REPS2: variants seen among roughly 807,000 people sequenced by gnomAD.
REPS2 encodes ralBP1-associated Eps domain-containing protein 2.
In REPS2, 23 loss-of-function variants were observed where a neutral mutation model predicts 53.6. The observed-to-expected ratio is 0.43, with a 90% CI of 0.31 to 0.61. The LOEUF is 0.61. Ranked by LOEUF, REPS2 falls within the 20% of genes least tolerant of loss-of-function variation. The probability of loss-of-function intolerance (pLI) is 0.11; values close to 1 mark genes in which losing one functional copy is unlikely to be tolerated. For missense variants in REPS2, 446 were observed against 534.9 expected (o/e 0.83, Z 1.64); for synonymous variants, 238 against 218.6 (o/e 1.09, Z -0.78).
chrX:16,975,818 C>A (rs1442616952), intron 1 of REPS2, among the ~76,000 whole-genome samples: 1 of 112,329 alleles, frequency 8.9e-6, no homozygotes, highest in Admixed American at 9.4e-5. Flanking sequence ...ACTGTTTCAA[C>A]ATTTCTTTCA....
chrX:17,050,266 T>G (rs1159699228), intron 6 of REPS2, among the ~76,000 whole-genome samples: 25 of 95,283 alleles, frequency 2.6e-4, no homozygotes, highest in African/African-American at 1.0e-3. Flanking sequence ...CTCGGCTCAC[T>G]GCAGCCTTGA....
intron 1 of REPS2, among the ~76,000 whole-genome samples, chrX:16,958,591 A>T (rs1328212136): frequency 8.9e-6 from 1 of 112,144 alleles, no homozygotes; most frequent in Non-Finnish European, 1.9e-5. Context: ...CTCCCTCTAC[A>T]GGAACAATAG....
intron 2 of REPS2, among the ~76,000 whole-genome samples, chrX:17,018,126 T>C (rs1241997034): frequency 1.8e-5 from 2 of 111,271 alleles, no homozygotes; most frequent in Admixed American, 1.9e-4. Flanking sequence ...TTCTAGAACC[T>C]TTTCACCTCA....
intron 5 of REPS2, among the ~76,000 whole-genome samples, chrX:17,031,709 G>T (rs904223310): frequency 9.0e-6 from 1 of 111,568 alleles, no homozygotes; most frequent in East Asian, 2.8e-4. Context: ...GGCTTCTGGT[G>T]GGGGAGCAAC....
the REPS2 span, among the ~76,000 whole-genome samples, chrX:17,183,382 T>C: frequency 1.8e-5 from 2 of 112,103 alleles, no homozygotes; most frequent in Admixed American, 1.9e-4. Flanking sequence ...ATAATTACTG[T>C]CAATTAAAAA....
chrX:17,010,255 G>T (rs1178594616), intron 2 of REPS2, among the ~76,000 whole-genome samples: 1 of 112,483 alleles, frequency 8.9e-6, no homozygotes, highest in African/African-American at 3.2e-5. Context: ...GCCCTACGGG[G>T]TAATACAAGT....
chrX:16,969,682 T>C (rs1180162093), intron 1 of REPS2, among the ~76,000 whole-genome samples: 1 of 107,172 alleles, frequency 9.3e-6, no homozygotes, highest in Non-Finnish European at 1.9e-5. Flanking sequence ...AGCAGTACAG[T>C]CCAGACTCCC....
chrX:17,107,988 T>C (rs894199983), intron 14 of REPS2, among the ~76,000 whole-genome samples: 1 of 111,324 alleles, frequency 9.0e-6, no homozygotes, highest in Non-Finnish European at 1.9e-5. Context: ...TGTTCAGGGC[T>C]TACTGCAGCC....
At chrX:17,123,543 A>G (rs937890925) in intron 14 of REPS2, among the ~76,000 whole-genome samples, 14 of 112,074 alleles carry the variant, frequency 1.2e-4, no homozygotes, top group Admixed American at 1.0e-3. Context: ...CATTATAGTC[A>G]CTGGTACCCA....
chrX:17,152,092 C>T lies in REPS2; in HGVS notation c.*4611C>T, dbSNP rs889686657. On this transcript the variant is annotated 3_prime_UTR_variant, in exon 18 of 18. Transcript: ENST00000357277. Reference sequence around the variant, plus strand: ...CGCTTGTTTGTAAGGAGAAATGCATCTGGTTATGTGAATTTCCCGAGAGCA... The same window carrying T: ...CGCTTGTTTGTAAGGAGAAATGCATTTGGTTATGTGAATTTCCCGAGAGCA... 1 of 111,343 alleles carries T rather than the reference C, an allele frequency of 9.0e-6. No individual in the cohort carries two copies. Among genetic ancestry groups the T allele is most frequent in the African/African-American group, 3.3e-5 (1 of 30,579 alleles). The allele number at this position is 111,343 out of a possible 1,213,427, so 9.2% of individuals were successfully genotyped here. A position where few individuals can be genotyped will look rare whatever the true frequency, so the allele number is the denominator to read the frequency against.
chrX:17,054,834 G>T lies in REPS2; in HGVS notation c.998G>T (p.Gly333Val). 8.3e-7 allele frequency: 1 copy of T among 1,210,968 alleles called. No individual in the cohort carries two copies. Among genetic ancestry groups the T allele is most frequent in the Non-Finnish European group, 1.1e-6 (1 of 895,115 alleles). Residue 333 changes from glycine to valine, a missense_variant, in exon 8 of 18, where the codon GGA becomes GTA. Coordinates refer to ENST00000357277, the MANE Select transcript of REPS2 (RefSeq NM_004726.3). ...IWELSDADCDGALTLPEFCAA... is the reference protein window; with the variant it reads ...IWELSDADCDVALTLPEFCAA... ...GAGCTTAGTGATGCTGACTGTGATG[G>T]AGCCCTGACCCTGCCTGAGTTCTGT... is the stretch of plus-strand genomic sequence containing the variant.
chrX:17,130,784 GC>G (rs2063281820), intron 14 of REPS2, among the ~76,000 whole-genome samples: 2 of 111,848 alleles, frequency 1.8e-5, no homozygotes, highest in African/African-American at 6.5e-5. Flanking sequence ...GGAAATCAAG[GC>G]CTGTGTTCAG....
At chrX:17,055,033 G>C in intron 8 of REPS2, 83 bp downstream of exon 8, 1 of 945,596 alleles carries the variant, frequency 1.1e-6, no homozygotes, top group Middle Eastern at 3.6e-4. Context: ...ACTTTTTAAT[G>C]ATTGCCATTC....
intron 2 of REPS2, among the ~76,000 whole-genome samples, chrX:17,010,003 G>A (rs1270609430): frequency 1.8e-5 from 2 of 110,792 alleles, no homozygotes; most frequent in East Asian, 5.6e-4. Context: ...TTGCAGTCTT[G>A]GGTTCCTAGG....
At chrX:17,078,183 C>T (rs1008671509) in intron 13 of REPS2, among the ~76,000 whole-genome samples, 1 of 112,473 alleles carries the variant, frequency 8.9e-6, no homozygotes, top group Non-Finnish European at 1.9e-5. Context: ...GGCCTTTCCA[C>T]TGACTCATGC....
At chrX:16,990,375 C>T (rs1174150641) in intron 1 of REPS2, among the ~76,000 whole-genome samples, 2 of 110,826 alleles carry the variant, frequency 1.8e-5, no homozygotes, top group Non-Finnish European at 3.8e-5. Context: ...TTTAAGAGGC[C>T]GAGGCGGGTG....
chrX:17,159,881 T>C, the REPS2 span, among the ~76,000 whole-genome samples: 1 of 112,284 alleles, frequency 8.9e-6, no homozygotes, highest in Non-Finnish European at 1.9e-5. Context: ...ATGTGACCAC[T>C]GGATGATTTG....
At chrX:17,093,163 A>C (rs1395687873) in intron 13 of REPS2, among the ~76,000 whole-genome samples, 2 of 17,493 alleles carry the variant, frequency 1.1e-4, no homozygotes, top group African/African-American at 5.1e-4. Flanking sequence ...GCATGAGTTA[A>C]TGCTATATAT....
intron 2 of REPS2, among the ~76,000 whole-genome samples, chrX:17,013,606 G>T (rs1305452104): frequency 1.2e-5 from 1 of 85,120 alleles, no homozygotes; most frequent in Non-Finnish European, 2.2e-5. Context: ...AGCCCAGGAG[G>T]TAAGGTTGTA....
Sources: gnomAD v4.1 joint callset for allele counts (sites outside exome capture counted in the v4.1 genomes callset) on GRCh38, gnomAD v4.1.1 for gene constraint, MANE v1.5 for transcripts, NCBI Gene and HGNC (gene_info 2026-07-23, HGNC 2026-07-21) for gene names.